The following NFKBIZ variants were observed in gnomAD, a reference collection of about 807,000 sequenced individuals.
NFKBIZ encodes the protein NF-kappa-B inhibitor zeta.
In NFKBIZ, 19 loss-of-function variants were observed where a neutral mutation model predicts 76.8. That is an observed-to-expected ratio of 0.25 (90% CI 0.17 to 0.36). The LOEUF (loss-of-function observed/expected upper bound fraction) is 0.36. NFKBIZ is among the 10% of genes least tolerant of loss of function. The probability of loss-of-function intolerance (pLI) is 1.00; values close to 1 mark genes in which losing one functional copy is unlikely to be tolerated. For missense variants in NFKBIZ, 829 were observed against 910.9 expected (o/e 0.91, Z 1.16); for synonymous variants, 368 against 354.8 (o/e 1.04, Z -0.42).
Position 101,853,342 on chromosome 3 carries a change from C to A in NFKBIZ, c.816C>A (p.Phe272Leu), listed in dbSNP as rs753237372. 3 of 1,614,162 alleles carry A rather than the reference C, an allele frequency of 1.9e-6. No homozygotes were observed. Among genetic ancestry groups the A allele is most frequent in the Non-Finnish European group, 2.5e-6 (3 of 1,180,026 alleles). ...CTCCACCTCAGAAATGCCAACCATT[C>A]CAAGTCAGGGGCTCCCAACAAATGA... ...VFSPPQKCQP[F>L]QVRGSQQMID... The change falls in exon 5 of 12, where the codon TTC becomes TTA. Residue 272 changes from phenylalanine (F) to leucine (L), a missense_variant. By Grantham distance (22) the Phe-to-Leu change is conservative (BLOSUM62 0). Transcript: ENST00000326172.
In NFKBIZ at chr3:101,860,981, A is replaced by G. The variant is rs547559274; in HGVS notation, c.*1610A>G. On this transcript the variant is annotated 3_prime_UTR_variant, in exon 12 of 12. Transcript: ENST00000326172. ...GTGTGATATGAACCAGTCCATTCACATTGGAAAAACTGATGGTTTTAAATA... is the reference window on the plus strand; with the variant it reads ...GTGTGATATGAACCAGTCCATTCACGTTGGAAAAACTGATGGTTTTAAATA... 333 of 152,270 alleles carry G rather than the reference A, an allele frequency of 2.2e-3. 1 individual carries two copies. The highest frequency in any genetic ancestry group is 7.4e-3 in the African/African-American group (308 of 41,552). 9.4% of individuals were successfully genotyped at this position (152,270 alleles called of 1,614,324 possible).
chr3:101,853,935 TC>T (rs1317791337), intron 5 of NFKBIZ, 72 bp downstream of exon 5: 3 of 1,464,408 alleles, frequency 2.0e-6, no homozygotes, highest in Non-Finnish European at 2.8e-6. Context: ...ATATAATTTT[TC>T]TAGGGTATAA....
At chr3:101,849,959 C>A (rs1942924719) in intron 1 of NFKBIZ, 42 bp downstream of exon 1, 2 of 1,349,810 alleles carry the variant, frequency 1.5e-6, no homozygotes, top group Non-Finnish European at 1.9e-6. Flanking sequence ...GGGGCGCGCA[C>A]GCCTAGGAGG....
intron 8 of NFKBIZ, 73 bp downstream of exon 8, chr3:101,855,531 C>G (rs1452805385): frequency 7.8e-6 from 11 of 1,415,104 alleles, no homozygotes; most frequent in South Asian, 3.6e-5. Flanking sequence ...GCTAAGTATA[C>G]TAAGAAGGAA....
intron 2 of NFKBIZ, among the ~76,000 whole-genome samples, chr3:101,837,554 C>T (rs1942738185): frequency 6.6e-6 from 1 of 150,880 alleles, no homozygotes; most frequent in Non-Finnish European, 1.5e-5. Context: ...GGCCACAGAG[C>T]ACCTTTCTGA....
chr3:101,855,175 G>A lies in NFKBIZ; in HGVS notation c.1557G>A (p.Val519=), dbSNP rs776804907. The change falls in exon 7 of 12, where the codon GTG becomes GTA. Residue 519 remains valine (V), a synonymous_variant. Coordinates refer to ENST00000326172, the MANE Select transcript of NFKBIZ (RefSeq NM_031419.4). ...TDCWGRTPLH[V]CAEKGHSQVL... is the part of the protein sequence containing the mutation. ...GCTGGGGAAGAACACCTCTGCATGT[G>A]TGTGCTGAGAAGGGCCACTCCCAGG... 21 of 1,612,796 alleles carry A rather than the reference G, an allele frequency of 1.3e-5. No homozygotes were observed. Among genetic ancestry groups the A allele is most frequent in the South Asian group, 6.6e-5 (6 of 90,820 alleles).
intron 2 of NFKBIZ, among the ~76,000 whole-genome samples, chr3:101,834,207 T>C (rs1173315490): frequency 6.6e-6 from 1 of 151,942 alleles, no homozygotes; most frequent in Non-Finnish European, 1.5e-5. Context: ...TCAGCTGGCT[T>C]TCTTGTTTCT....
chr3:101,859,327 A>G lies in NFKBIZ; in HGVS notation c.2113A>G (p.Ile705Val). 6.2e-7 allele frequency: 1 copy of G among 1,613,648 alleles called. No homozygotes were observed. ...TTTGTTTCTCTTCCAGATCCGACGT[A>G]TCCTGAAGGGAAAGTCCATTCAGCA... is the stretch of plus-strand genomic sequence containing the variant. ...DGPVGEQIRR[I>V]LKGKSIQQRA... Residue 705 changes from isoleucine to valine, a missense_variant, in exon 12 of 12, where the codon ATC becomes GTC. Physicochemically the swap from Ile to Val is conservative, Grantham distance 29 (BLOSUM62 3). Coordinates refer to ENST00000326172, the MANE Select transcript of NFKBIZ (RefSeq NM_031419.4).
At chr3:101,834,090 A>G (rs1942682159) in intron 2 of NFKBIZ, among the ~76,000 whole-genome samples, 1 of 152,178 alleles carries the variant, frequency 6.6e-6, no homozygotes, top group Admixed American at 6.5e-5. Context: ...GGGCACAGAG[A>G]CTGCCCCAAT....
upstream of NFKBIZ, chr3:101,849,312 G>C (rs905986711): frequency 6.1e-5 from 15 of 246,520 alleles, no homozygotes; most frequent in African/African-American, 3.1e-4. Context: ...CAACCGGTCG[G>C]TCTGGGCGGA....
intron 2 of NFKBIZ, among the ~76,000 whole-genome samples, chr3:101,835,550 G>A (rs1942708484): frequency 6.6e-6 from 1 of 152,158 alleles, no homozygotes; most frequent in Non-Finnish European, 1.5e-5. Context: ...CCTCTCTCCT[G>A]ACTTGTACAT....
At chr3:101,837,775 G>A (rs1269725662) in intron 2 of NFKBIZ, among the ~76,000 whole-genome samples, 2 of 152,150 alleles carry the variant, frequency 1.3e-5, no homozygotes, top group East Asian at 1.9e-4. Flanking sequence ...ATGGAATGAT[G>A]TAGGCTGATG....
chr3:101,837,491 C>CAAA (rs10713154), intron 2 of NFKBIZ, among the ~76,000 whole-genome samples: 25 of 93,122 alleles, frequency 2.7e-4, no homozygotes, highest in African/African-American at 9.0e-4. Flanking sequence ...GATCCTGTCT[C>CAAA]AAAAAAAAAA....
At chr3:101,835,443 A>G (rs920575435) in intron 2 of NFKBIZ, among the ~76,000 whole-genome samples, 4 of 152,174 alleles carry the variant, frequency 2.6e-5, no homozygotes, top group African/African-American at 9.7e-5. Flanking sequence ...ACACAATACC[A>G]CAGGCTGCGT....
rs1381881887 is a variant in NFKBIZ, at chr3:101,849,526, G to C, written c.-103G>C. 6 of 1,051,320 alleles carry C rather than the reference G, an allele frequency of 5.7e-6. No homozygotes were observed. Among genetic ancestry groups the C allele is most frequent in the Admixed American group, 4.4e-5 (1 of 22,952 alleles). The allele number at this position is 1,051,320 out of a possible 1,614,324, so 65.1% of individuals were successfully genotyped here. A position where few individuals can be genotyped will look rare whatever the true frequency, so the allele number is the denominator to read the frequency against. ...CCGCGCCGCGCCCGTACTGGCCCGC[G>C]CCGTCCGCCCGCCGACAGCTCCCTG... On this transcript the variant is annotated 5_prime_UTR_variant, in exon 1 of 12. Coordinates refer to ENST00000326172, the MANE Select transcript of NFKBIZ (RefSeq NM_031419.4).
At chr3:101,854,297 C>T (rs1479884709) in intron 5 of NFKBIZ, among the ~76,000 whole-genome samples, 1 of 152,086 alleles carries the variant, frequency 6.6e-6, no homozygotes, top group Non-Finnish European at 1.5e-5. Context: ...GATAATACCT[C>T]TTGTATAGGG....
At chr3:101,852,640 G>T in intron 2 of NFKBIZ, 98 bp from the exon 3 acceptor site, 2 of 764,230 alleles carry the variant, frequency 2.6e-6, no homozygotes. Context: ...GAGATTTATG[G>T]TAAGCTATAA....
upstream of NFKBIZ, among the ~76,000 whole-genome samples, chr3:101,846,357 C>CA (rs1361525156): frequency 3.3e-5 from 5 of 152,218 alleles, no homozygotes; most frequent in African/African-American, 9.6e-5. Context: ...TGTATTTCAA[C>CA]ATTTACATAA....
intron 10 of NFKBIZ, 42 bp downstream of exon 10, chr3:101,857,225 GT>G: frequency 6.2e-7 from 1 of 1,612,338 alleles, no homozygotes; most frequent in South Asian, 1.1e-5. Context: ...CCCTCTCAAA[GT>G]TTTTGAGCTC....
Sources: gnomAD v4.1 joint callset for allele counts (sites outside exome capture counted in the v4.1 genomes callset) on GRCh38, gnomAD v4.1.1 for gene constraint, MANE v1.5 for transcripts, NCBI Gene and HGNC (gene_info 2026-07-23, HGNC 2026-07-21) for gene names.